CLEC11A: variants seen among roughly 807,000 people sequenced by gnomAD.
CLEC11A encodes C-type lectin domain family 11 member A.
CLEC11A carries 35 observed loss-of-function variants against 33.9 expected under a neutral mutation model. That is an observed-to-expected ratio of 1.03 (90% CI 0.79 to 1.37). CLEC11A has a LOEUF of 1.37. Ranked by LOEUF, CLEC11A falls within the 40% of genes most tolerant of loss-of-function variation. The pLI is 0.00. For missense variants in CLEC11A, 519 were observed against 455.5 expected (o/e 1.14, Z -1.27); for synonymous variants, 220 against 202.2 (o/e 1.09, Z -0.75).
Position 50,724,724 on chromosome 19 carries a change from G to T in CLEC11A, c.526+123G>T. 5 of 1,212,726 alleles carry T rather than the reference G, an allele frequency of 4.1e-6. No homozygotes were observed. Among genetic ancestry groups the T allele is most frequent in the Non-Finnish European group, 5.4e-6 (5 of 922,448 alleles). The allele number at this position is 1,212,726 out of a possible 1,614,324, so 75.1% of individuals were successfully genotyped here. On this transcript the variant is annotated intron_variant, in intron 3 of 3. Coordinates refer to ENST00000250340, the MANE Select transcript of CLEC11A (RefSeq NM_002975.3). The surrounding 1 kb of genome is among the most constrained non-coding windows in gnomAD (Gnocchi z 4.1). ...TTCGGGAGAGCTGCTGTGTGCTAGC[G>T]GACGGGGTTAGAGAGCTGGGAGGCT...
In CLEC11A at chr19:50,725,059, C is replaced by G; in HGVS notation, c.564C>G (p.Phe188Leu). 6.6e-7 allele frequency: 1 copy of G among 1,517,976 alleles called. No individual in the cohort carries two copies. The highest frequency in any genetic ancestry group is 8.8e-7 in the Non-Finnish European group (1 of 1,134,736). The allele number at this position is 1,517,976 out of a possible 1,614,324, so 94.0% of individuals were successfully genotyped here. Reference protein sequence around the residue: ...LKGLRLGHKCFLLSRDFEAQA... With the variant: ...LKGLRLGHKCLLLSRDFEAQA... ...GGCTGCGCCTGGGCCACAAGTGCTT[C>G]CTGCTCTCGCGCGACTTCGAAGCTC... The change falls in exon 4 of 4, where the codon TTC becomes TTG. Residue 188 changes from phenylalanine to leucine, a missense_variant. Transcript: ENST00000250340.
Position 50,723,739 on chromosome 19 carries a change from T to A in CLEC11A, c.147+67T>A. On this transcript the variant is annotated intron_variant, in intron 1 of 3. Coordinates refer to ENST00000250340, the MANE Select transcript of CLEC11A (RefSeq NM_002975.3). The surrounding 1 kb of genome is among the most constrained non-coding windows in gnomAD (Gnocchi z 4.1). Reference sequence around the variant, plus strand: ...GGGTCTGGGAGGGGGTATTGCAAGGTTAGGGAAATGGACAATGAGGAGCGA... The same window carrying A: ...GGGTCTGGGAGGGGGTATTGCAAGGATAGGGAAATGGACAATGAGGAGCGA... The A allele has an allele frequency of 1.3e-6, 2 of 1,531,454 alleles. No individual in the cohort carries two copies. Among genetic ancestry groups the A allele is most frequent in the Non-Finnish European group, 1.8e-6 (2 of 1,141,768 alleles). 94.9% of individuals were successfully genotyped at this position (1,531,454 alleles called of 1,614,324 possible).
rs1051949241 is a variant in CLEC11A at position 50,724,166 on chromosome 19, C to A, written c.334+75C>A. On this transcript the variant is annotated intron_variant, in intron 2 of 3. Transcript: ENST00000250340. This position sits in a 1 kb window ranked among gnomAD's most constrained non-coding sequence, Gnocchi z 4.1. ...CTTTCGCAAAAATGAAGGGTCGGTTCACTGCCAAGTGGCCTTTCAGTTGTC... is the reference window on the plus strand; with the variant it reads ...CTTTCGCAAAAATGAAGGGTCGGTTAACTGCCAAGTGGCCTTTCAGTTGTC... 2 of 1,601,614 alleles carry A rather than the reference C, an allele frequency of 1.2e-6. No individual in the cohort carries two copies. The highest frequency in any genetic ancestry group is 1.8e-5 in the Admixed American group (1 of 55,576).
rs965643036 is a variant in CLEC11A at position 50,724,694 on chromosome 19, G to C, written c.526+93G>C. The C allele has an allele frequency of 4.8e-6, 6 of 1,259,918 alleles. No individual in the cohort carries two copies. The African/African-American group carries it at 9.5e-5, about 20-fold the overall frequency. 78.0% of individuals were successfully genotyped at this position (1,259,918 alleles called of 1,614,324 possible). ...AGGTGACCCTAGGTGTCCGGGGCGG[G>C]AGAGTTCGGGAGAGCTGCTGTGTGC... On this transcript the variant is annotated intron_variant, in intron 3 of 3. Transcript: ENST00000250340. The surrounding 1 kb of genome is among the most constrained non-coding windows in gnomAD (Gnocchi z 4.1).
Position 50,725,608 on chromosome 19 carries a change from G to A in CLEC11A, c.*141G>A. 1.4e-6 allele frequency: 2 copies of A among 1,410,952 alleles called. No homozygotes were observed. Among genetic ancestry groups the A allele is most frequent in the Non-Finnish European group, 1.9e-6 (2 of 1,070,416 alleles). The allele number at this position is 1,410,952 out of a possible 1,614,324, so 87.4% of individuals were successfully genotyped here. On this transcript the variant is annotated 3_prime_UTR_variant, in exon 4 of 4. Coordinates refer to ENST00000250340, the MANE Select transcript of CLEC11A (RefSeq NM_002975.3). Reference sequence around the variant, plus strand: ...CGACCCCCAGTCTGGGCGCTTCTGGGAGGGCTCTTGCGGTGCCGGCACTCC... The same window carrying A: ...CGACCCCCAGTCTGGGCGCTTCTGGAAGGGCTCTTGCGGTGCCGGCACTCC...
chr19:50,724,961 G>T lies in CLEC11A; in HGVS notation c.527-61G>T. The T allele has an allele frequency of 1.5e-6, 2 of 1,308,308 alleles. No homozygotes were observed. The highest frequency in any genetic ancestry group is 2.3e-5 in the South Asian group (1 of 43,304). The allele number at this position is 1,308,308 out of a possible 1,614,324, so 81.0% of individuals were successfully genotyped here. Reference sequence around the variant, plus strand: ...CTCCACCCCCGGATGTTTTGTCCTCGCCCCCTTCCAGACTCTGAATGCATG... The same window carrying T: ...CTCCACCCCCGGATGTTTTGTCCTCTCCCCCTTCCAGACTCTGAATGCATG... On this transcript the variant is annotated intron_variant, in intron 3 of 3. Transcript: ENST00000250340. This position sits in a 1 kb window ranked among gnomAD's most constrained non-coding sequence, Gnocchi z 4.1.
chr19:50,723,972 G>C lies in CLEC11A; in HGVS notation c.215G>C (p.Gly72Ala). ...GDENPAGTVE[G>A]KEDWEMEEDQ... is the part of the protein sequence containing the mutation. ...GAGAATCCTGCCGGAACTGTTGAGG[G>C]AAAAGAGGACTGGGAGATGGAGGAG... The change falls in exon 2 of 4, where the codon GGA becomes GCA. Residue 72 changes from glycine (G) to alanine (A), a missense_variant. Physicochemically the swap from Gly to Ala is moderately conservative, Grantham distance 60. Coordinates refer to ENST00000250340, the MANE Select transcript of CLEC11A (RefSeq NM_002975.3). This position sits in a 1 kb window ranked among gnomAD's most constrained non-coding sequence, Gnocchi z 4.1. 1.2e-6 allele frequency: 2 copies of C among 1,613,762 alleles called. No homozygotes were observed. Among genetic ancestry groups the C allele is most frequent in the Non-Finnish European group, 1.7e-6 (2 of 1,179,874 alleles).
At position 50,724,260 on chromosome 19, in the gene CLEC11A, G is replaced by A; in HGVS notation, c.335-150G>A. ...CCACGGCCATGCCTCCTAAAGGCCT[G>A]GGCCACTCGACCCTACCTTCCAGGA... On this transcript the variant is annotated intron_variant, in intron 2 of 3. Transcript: ENST00000250340. This position sits in a 1 kb window ranked among gnomAD's most constrained non-coding sequence, Gnocchi z 4.1. 2 of 1,259,964 alleles carry A rather than the reference G, an allele frequency of 1.6e-6. No homozygotes were observed. Among genetic ancestry groups the A allele is most frequent in the Non-Finnish European group, 2.2e-6 (2 of 929,822 alleles). 78.0% of individuals were successfully genotyped at this position (1,259,964 alleles called of 1,614,324 possible). A position where few individuals can be genotyped will look rare whatever the true frequency, so the allele number is the denominator to read the frequency against.
Position 50,724,186 on chromosome 19 carries a change from G to C in CLEC11A, c.334+95G>C. ...CGGTTCACTGCCAAGTGGCCTTTCA[G>C]TTGTCCATTGCCCAGCCCAGAGCCC... On this transcript the variant is annotated intron_variant, in intron 2 of 3. Coordinates refer to ENST00000250340, the MANE Select transcript of CLEC11A (RefSeq NM_002975.3). The surrounding 1 kb of genome is among the most constrained non-coding windows in gnomAD (Gnocchi z 4.1). 1 of 1,581,746 alleles carries C rather than the reference G, an allele frequency of 6.3e-7. No individual in the cohort carries two copies. Among genetic ancestry groups the C allele is most frequent in the Non-Finnish European group, 8.6e-7 (1 of 1,163,530 alleles).
In CLEC11A at chr19:50,724,384, C is replaced by T. The variant is rs549323321; in HGVS notation, c.335-26C>T. 8.1e-6 allele frequency: 12 copies of T among 1,483,758 alleles called. No homozygotes were observed. Among genetic ancestry groups the T allele is most frequent in the Admixed American group, 2.4e-5 (1 of 42,536 alleles). 91.9% of individuals were successfully genotyped at this position (1,483,758 alleles called of 1,614,324 possible). ...CCCGCTGCATCTCCAGGCTCCCCCT[C>T]CAGCATGATCCCTGTCTGTCCGCAG... On this transcript the variant is annotated intron_variant, in intron 2 of 3. Transcript: ENST00000250340. This position sits in a 1 kb window ranked among gnomAD's most constrained non-coding sequence, Gnocchi z 4.1.
chr19:50,725,455 G>A lies in CLEC11A; in HGVS notation c.960G>A (p.Glu320=). 1 of 1,598,884 alleles carries A rather than the reference G, an allele frequency of 6.3e-7. No individual in the cohort carries two copies. The highest frequency in any genetic ancestry group is 8.5e-7 in the Non-Finnish European group (1 of 1,170,504). Residue 320 remains glutamate (E), a synonymous_variant, in exon 4 of 4, where the codon GAG becomes GAA. Transcript: ENST00000250340. ...AGCGGCGTCTCTACTACGTCTGCGA[G>A]TTCCCCTTCTAGCGGGGCCGGTACC... ...DCQRRLYYVC[E]FPF is the part of the protein sequence containing the mutation.
Position 50,724,121 on chromosome 19 carries a change from C to A in CLEC11A, c.334+30C>A. 6.2e-7 allele frequency: 1 copy of A among 1,602,238 alleles called. No individual in the cohort carries two copies. Among genetic ancestry groups the A allele is most frequent in the South Asian group, 1.1e-5 (1 of 90,084 alleles). Reference sequence around the variant, plus strand: ...GTAACCAGAAGCCCTCACCCCCAAACTCCTAGGCCGCCGCGGTCACTTTCG... The same window carrying A: ...GTAACCAGAAGCCCTCACCCCCAAAATCCTAGGCCGCCGCGGTCACTTTCG... On this transcript the variant is annotated intron_variant, in intron 2 of 3. Coordinates refer to ENST00000250340, the MANE Select transcript of CLEC11A (RefSeq NM_002975.3). The surrounding 1 kb of genome is among the most constrained non-coding windows in gnomAD (Gnocchi z 4.1).
Position 50,723,893 on chromosome 19 carries a change from C to A in CLEC11A, c.148-12C>A, listed in dbSNP as rs1450640385. The A allele has an allele frequency of 6.2e-7, 1 of 1,602,690 alleles. No individual in the cohort carries two copies. Among genetic ancestry groups the A allele is most frequent in the Non-Finnish European group, 8.5e-7 (1 of 1,174,192 alleles). ...TGGCAGGCTGGGGCTCACCACCCCTCCCCTGCCCCAGCATCTGCAGGAAGC... is the reference window on the plus strand; with the variant it reads ...TGGCAGGCTGGGGCTCACCACCCCTACCCTGCCCCAGCATCTGCAGGAAGC... On this transcript the variant is annotated splice_polypyrimidine_tract_variant and intron_variant, in intron 1 of 3. Transcript: ENST00000250340. The surrounding 1 kb of genome is among the most constrained non-coding windows in gnomAD (Gnocchi z 4.1).
rs1206736018 is a variant in CLEC11A at position 50,723,488 on chromosome 19, C to T, written c.-38C>T. 1 of 1,610,518 alleles carries T rather than the reference C, an allele frequency of 6.2e-7. No homozygotes were observed. Among genetic ancestry groups the T allele is most frequent in the African/African-American group, 1.3e-5 (1 of 74,842 alleles). ...GGCCACCCCTCCCACCCCAGACATC[C>T]AGACATCTGGAACTTTGGGTGCCAA... On this transcript the variant is annotated 5_prime_UTR_variant, in exon 1 of 4. Coordinates refer to ENST00000250340, the MANE Select transcript of CLEC11A (RefSeq NM_002975.3). The surrounding 1 kb of genome is among the most constrained non-coding windows in gnomAD (Gnocchi z 4.1).
chr19:50,723,560 T>A lies in CLEC11A; in HGVS notation c.35T>A (p.Val12Asp). The change falls in exon 1 of 4, where the codon GTC (valine) becomes GAC (aspartate). Residue 12 changes from valine (V) to aspartate (D), a missense_variant. Coordinates refer to ENST00000250340, the MANE Select transcript of CLEC11A (RefSeq NM_002975.3). This position sits in a 1 kb window ranked among gnomAD's most constrained non-coding sequence, Gnocchi z 4.1. ...GCCTGGCTTTTGGGGGCTTTGGTGG[T>A]CCCCCAGCTCTTGGGCTTTGGCCAT... The part of the protein sequence containing the change: ...QAAWLLGALV[V>D]PQLLGFGHGA... 1 of 1,612,088 alleles carries A rather than the reference T, an allele frequency of 6.2e-7. No homozygotes were observed. The highest frequency in any genetic ancestry group is 1.1e-5 in the South Asian group (1 of 90,972).
chr19:50,723,549 G>C lies in CLEC11A; in HGVS notation c.24G>C (p.Gly8=), dbSNP rs555478383. 6.2e-7 allele frequency: 1 copy of C among 1,612,434 alleles called. No individual in the cohort carries two copies. Among genetic ancestry groups the C allele is most frequent in the South Asian group, 1.1e-5 (1 of 90,984 alleles). ...TAATGCAGGCAGCCTGGCTTTTGGG[G>C]GCTTTGGTGGTCCCCCAGCTCTTGG... The part of the protein sequence containing the change: MQAAWLL[G]ALVVPQLLGF... Residue 8 remains glycine (G), a synonymous_variant, in exon 1 of 4, where the codon GGG becomes GGC. Coordinates refer to ENST00000250340, the MANE Select transcript of CLEC11A (RefSeq NM_002975.3). This position sits in a 1 kb window ranked among gnomAD's most constrained non-coding sequence, Gnocchi z 4.1.
rs573298809 is a variant in CLEC11A, at chr19:50,724,853, G to A, written c.527-169G>A. On this transcript the variant is annotated intron_variant, in intron 3 of 3. Coordinates refer to ENST00000250340, the MANE Select transcript of CLEC11A (RefSeq NM_002975.3). The surrounding 1 kb of genome is among the most constrained non-coding windows in gnomAD (Gnocchi z 4.1). ...CCACCGCCTGGCCCCGCCCCTGGCGGACCAGACTCTCCACCTCCTGGCTCC... is the reference window on the plus strand; with the variant it reads ...CCACCGCCTGGCCCCGCCCCTGGCGAACCAGACTCTCCACCTCCTGGCTCC... 3 of 1,397,014 alleles carry A rather than the reference G, an allele frequency of 2.1e-6. No individual in the cohort carries two copies. Among genetic ancestry groups the A allele is most frequent in the South Asian group, 1.6e-5 (1 of 63,040 alleles). The allele number at this position is 1,397,014 out of a possible 1,614,324, so 86.5% of individuals were successfully genotyped here. A position where few individuals can be genotyped will look rare whatever the true frequency, so the allele number is the denominator to read the frequency against.
chr19:50,724,777 G>C lies in CLEC11A; in HGVS notation c.526+176G>C, dbSNP rs2089170581. The stretch of plus-strand genomic sequence containing the variant: ...ATGCAGGGAGCGGGTGGGCACTCCA[G>C]ACCCGCGCGGACCCGACTGGGGCAG... On this transcript the variant is annotated intron_variant, in intron 3 of 3. Transcript: ENST00000250340. The surrounding 1 kb of genome is among the most constrained non-coding windows in gnomAD (Gnocchi z 4.1). 6.6e-6 allele frequency among the ~76,000 whole-genome samples: 1 copy of C among 152,030 alleles called. No individual in the cohort carries two copies. Among genetic ancestry groups the C allele is most frequent in the Admixed American group, 6.5e-5 (1 of 15,284 alleles).
Position 50,723,693 on chromosome 19 carries a change from G to A in CLEC11A, c.147+21G>A, listed in dbSNP as rs1476660054. The A allele has an allele frequency of 1.3e-6, 2 of 1,559,332 alleles. No homozygotes were observed. Among genetic ancestry groups the A allele is most frequent in the Middle Eastern group, 2.3e-4 (1 of 4,296 alleles). ...TGAAGGTGAGCTCTGGAGTGTCAGG[G>A]AGCTATGGGTGGTGAACTGTGGGTC... On this transcript the variant is annotated intron_variant, in intron 1 of 3. Coordinates refer to ENST00000250340, the MANE Select transcript of CLEC11A (RefSeq NM_002975.3). The surrounding 1 kb of genome is among the most constrained non-coding windows in gnomAD (Gnocchi z 4.1).
Sources: allele counts gnomAD v4.1 joint callset (sites outside exome capture counted in the v4.1 genomes callset), GRCh38; gene constraint gnomAD v4.1.1; non-coding constraint Gnocchi (gnomAD v3.1); transcripts MANE v1.5; gene names NCBI Gene and HGNC (gene_info 2026-07-23, HGNC 2026-07-21).